Variants in DDX5 observed in about 807,000 individuals in gnomAD.
DDX5 encodes DEAD-box helicase 5.
A neutral mutation model predicts 68.6 loss-of-function variants in DDX5; 6 were observed. The observed-to-expected ratio is 0.09, with a 90% CI of 0.05 to 0.17. DDX5 has a LOEUF of 0.17. Among genes scored for constraint, DDX5 ranks in the 10% least tolerant of loss-of-function variants. The pLI, the probability that DDX5 is intolerant of heterozygous loss-of-function variation, is 1.00. For missense variants in DDX5, 499 were observed against 756.1 expected (o/e 0.66, Z 3.99); for synonymous variants, 350 against 247.0 (o/e 1.42, Z -3.91).
intron 1 of DDX5, chr17:64,505,056 A>G (rs2038404501): frequency 4.6e-6 from 2 of 431,852 alleles, no homozygotes; most frequent in South Asian, 6.1e-5. Flanking sequence ...TCATGTAAAC[A>G]GCCTGGGATT....
chr17:64,503,415 C>G lies in DDX5; in HGVS notation c.649+15G>C, dbSNP rs967931725. On this transcript the variant is annotated intron_variant, in intron 6 of 12. Transcript: ENST00000225792. ...TTTAGCACCAATGACAAATAAAACCCTTTTCATTACATACCTCTCTCCAAA... is the reference window on the plus strand; with the variant it reads ...TTTAGCACCAATGACAAATAAAACCGTTTTCATTACATACCTCTCTCCAAA... 1 of 1,614,070 alleles carries G rather than the reference C, an allele frequency of 6.2e-7. No homozygotes were observed. Among genetic ancestry groups the G allele is most frequent in the African/African-American group, 1.3e-5 (1 of 75,034 alleles).
Position 64,505,965 on chromosome 17 carries a change from G to C in DDX5, c.44+111C>G. On this transcript the variant is annotated intron_variant, in intron 1 of 12. Coordinates refer to ENST00000225792, the MANE Select transcript of DDX5 (RefSeq NM_004396.5). ...AAGCCTTCGGGAAAGGAAGTCCCAA[G>C]ATAGCCCGGAAAGGCCAAGTCCAAG... is the stretch of plus-strand genomic sequence containing the variant. 3.9e-6 allele frequency: 6 copies of C among 1,539,880 alleles called. No individual in the cohort carries two copies. In the South Asian group the frequency reaches 7.1e-5, roughly 18 times the overall value.
chr17:64,504,878 T>C (rs201484794), intron 1 of DDX5, 36 bp from the exon 2 acceptor site: 11 of 1,580,628 alleles, frequency 7.0e-6, no homozygotes, highest in South Asian at 1.2e-5. Context: ...CATTTTCAAA[T>C]GGCTATACCC....
chr17:64,499,036 C>T lies in DDX5; in HGVS notation c.*887G>A, dbSNP rs2038228498. Among the ~76,000 whole-genome samples the T allele has an allele frequency of 6.6e-6, 1 of 152,120 alleles. No homozygotes were observed. Among genetic ancestry groups the T allele is most frequent in the South Asian group, 2.1e-4 (1 of 4,830 alleles). On this transcript the variant is annotated 3_prime_UTR_variant, in exon 13 of 13. Transcript: ENST00000225792. ...GTGACTAGTTAAGAGCCCCAGGGAGCCTGTGAAGACTAGAATCTACAAGTA... is the reference window on the plus strand; with the variant it reads ...GTGACTAGTTAAGAGCCCCAGGGAGTCTGTGAAGACTAGAATCTACAAGTA...
Position 64,499,761 on chromosome 17 carries a change from A to G in DDX5, c.*162T>C. ...AACCTAAAAATTGTTTCAGGAATGT[A>G]GAGAAATATCCAACTTAAATAGCGA... is the stretch of plus-strand genomic sequence containing the variant. On this transcript the variant is annotated 3_prime_UTR_variant, in exon 13 of 13. Coordinates refer to ENST00000225792, the MANE Select transcript of DDX5 (RefSeq NM_004396.5). The G allele has an allele frequency of 1.7e-6, 1 of 596,156 alleles. No individual in the cohort carries two copies. The highest frequency in any genetic ancestry group is 2.6e-6 in the Non-Finnish European group (1 of 379,870). The allele number at this position is 596,156 out of a possible 1,614,324, so 36.9% of individuals were successfully genotyped here.
At chr17:64,501,766 G>T in intron 11 of DDX5, 1 of 573,668 alleles carries the variant, frequency 1.7e-6, no homozygotes, top group Non-Finnish European at 3.1e-6. Context: ...GCCTTTTGAA[G>T]ATTACTGGCA....
At position 64,503,316 on chromosome 17, in the gene DDX5, G is replaced by C. The variant is rs782743275; in HGVS notation, c.682C>G (p.Leu228Val). ...VEICIATPGR[L>V]IDFLECGKTN... is the part of the protein sequence containing the mutation. ...TTTCCACACTCTAAAAAGTCAATCAGTCTTCCAGGTGTTGCAATACAGATT... is the reference window on the plus strand; with the variant it reads ...TTTCCACACTCTAAAAAGTCAATCACTCTTCCAGGTGTTGCAATACAGATT... The change falls in exon 7 of 13, where the codon CTG becomes GTG. Residue 228 changes from leucine (L) to valine (V), a missense_variant. Coordinates refer to ENST00000225792, the MANE Select transcript of DDX5 (RefSeq NM_004396.5). 1 of 1,614,202 alleles carries C rather than the reference G, an allele frequency of 6.2e-7. No homozygotes were observed. The highest frequency in any genetic ancestry group is 1.1e-5 in the South Asian group (1 of 91,090).
Position 64,499,802 on chromosome 17 carries a change from TTAC to T in DDX5, c.*118_*120del. On this transcript the variant is annotated 3_prime_UTR_variant, in exon 13 of 13. Coordinates refer to ENST00000225792, the MANE Select transcript of DDX5 (RefSeq NM_004396.5). The stretch of plus-strand genomic sequence containing the variant: ...TAAATAGCGAAAAAGTGCACCATAA[TTAC>T]TGCTGCACTGCAGTCATTTCTGCAA... 2 of 886,364 alleles carry T rather than the reference TTAC, an allele frequency of 2.3e-6. No homozygotes were observed. Among genetic ancestry groups the T allele is most frequent in the Non-Finnish European group, 3.2e-6 (2 of 626,132 alleles). 54.9% of individuals were successfully genotyped at this position (886,364 alleles called of 1,614,324 possible).
rs1555671552 is a variant in DDX5 at position 64,503,790 on chromosome 17, A to G, written c.507+13T>C. The G allele has an allele frequency of 6.2e-7, 1 of 1,608,194 alleles. No homozygotes were observed. On this transcript the variant is annotated intron_variant, in intron 5 of 12. Coordinates refer to ENST00000225792, the MANE Select transcript of DDX5 (RefSeq NM_004396.5). ...ATTATGCTTCTAATAAAAAGTTAAAAATATATACTTACAATAGGCCCATCG... is the reference window on the plus strand; with the variant it reads ...ATTATGCTTCTAATAAAAAGTTAAAGATATATACTTACAATAGGCCCATCG...
rs1598152836 is a variant in DDX5, at chr17:64,504,848, ATG to A, written c.45-8_45-7del. ...CAAATCGAGGTGCACCAAACCTGGA[ATG>A]AAAAAAAACGTTATTCACATTTTCA... On this transcript the variant is annotated splice_polypyrimidine_tract_variant and splice_region_variant and intron_variant, in intron 1 of 12. Coordinates refer to ENST00000225792, the MANE Select transcript of DDX5 (RefSeq NM_004396.5). The A allele has an allele frequency of 3.8e-6, 6 of 1,590,896 alleles. No individual in the cohort carries two copies. The Admixed American group carries it at 7.6e-5, about 20-fold the overall frequency.
In DDX5 at chr17:64,500,305, C is replaced by A; in HGVS notation, c.1463G>T (p.Gly488Val). The part of the protein sequence containing the change: ...RGSGRSRGRG[G>V]MKDDRRDRYS... ...TCTGTCCCGACGGTCATCCTTCATG[C>A]CTCCTCTACCCCTGGAACGACCTGT... The change falls in exon 13 of 13, where the codon GGC (glycine) becomes GTC (valine). Residue 488 changes from glycine to valine, a missense_variant. Physicochemically the swap from Gly to Val is moderately radical, Grantham distance 109. Coordinates refer to ENST00000225792, the MANE Select transcript of DDX5 (RefSeq NM_004396.5). 7 of 1,609,578 alleles carry A rather than the reference C, an allele frequency of 4.3e-6. No individual in the cohort carries two copies. The highest frequency in any genetic ancestry group is 1.3e-5 in the African/African-American group (1 of 74,826).
intron 1 of DDX5, chr17:64,505,638 C>T (rs2144282425): frequency 8.3e-7 from 1 of 1,207,094 alleles, no homozygotes; most frequent in Admixed American, 2.0e-5. Flanking sequence ...AGCCACATGG[C>T]TGATGCCGGC....
rs200823255 is a variant in DDX5 at position 64,503,789 on chromosome 17, A to G, written c.507+14T>C. On this transcript the variant is annotated intron_variant, in intron 5 of 12. Coordinates refer to ENST00000225792, the MANE Select transcript of DDX5 (RefSeq NM_004396.5). ...CATTATGCTTCTAATAAAAAGTTAA[A>G]AATATATACTTACAATAGGCCCATC... is the stretch of plus-strand genomic sequence containing the variant. 115 of 1,607,160 alleles carry G rather than the reference A, an allele frequency of 7.2e-5. No individual in the cohort carries two copies. The African/African-American group carries it at 9.8e-4, about 14-fold the overall frequency.
In DDX5 at chr17:64,500,318, T is replaced by C. The variant is rs551152489; in HGVS notation, c.1450A>G (p.Arg484Gly). Residue 484 changes from arginine (R) to glycine (G), a missense_variant, in exon 13 of 13, where the codon AGG (arginine) becomes GGG (glycine). Arg to Gly is a moderately radical substitution (Grantham distance 125, BLOSUM62 -2). Coordinates refer to ENST00000225792, the MANE Select transcript of DDX5 (RefSeq NM_004396.5). The part of the protein sequence containing the change: ...LVEDRGSGRS[R>G]GRGGMKDDRR... Reference sequence around the variant, plus strand: ...TCATCCTTCATGCCTCCTCTACCCCTGGAACGACCTGTCAAGAAAACAATT... The same window carrying C: ...TCATCCTTCATGCCTCCTCTACCCCCGGAACGACCTGTCAAGAAAACAATT... 2.5e-6 allele frequency: 4 copies of C among 1,603,210 alleles called. No homozygotes were observed. The highest frequency in any genetic ancestry group is 3.4e-6 in the Non-Finnish European group (4 of 1,174,224).
In DDX5 at chr17:64,498,976, C is replaced by T. The variant is rs568030429; in HGVS notation, c.*947G>A. On this transcript the variant is annotated 3_prime_UTR_variant, in exon 13 of 13. Transcript: ENST00000225792. ...TACAGTTTGAGGATCTCTAGAATTC[C>T]CTGAATTATTGGAAAGACATTCATG... 2.0e-5 allele frequency among the ~76,000 whole-genome samples: 3 copies of T among 152,064 alleles called. No individual in the cohort carries two copies. Among genetic ancestry groups the T allele is most frequent in the Admixed American group, 6.5e-5 (1 of 15,276 alleles).
chr17:64,504,952 G>C, intron 1 of DDX5, 110 bp from the exon 2 acceptor site: 2 of 1,010,090 alleles, frequency 2.0e-6, no homozygotes, highest in Non-Finnish European at 2.9e-6. Flanking sequence ...CAGACTTCGA[G>C]AGGTAAACCT....
rs140955185 is a variant in DDX5, at chr17:64,504,335, A to G, written c.211-17T>C. ...CACCTCTTGCTGCAAAACAAATTAT[A>G]ACAGTCTTAAAATTCATGACAACCA... On this transcript the variant is annotated splice_polypyrimidine_tract_variant and intron_variant, in intron 2 of 12. Transcript: ENST00000225792. 1.6e-5 allele frequency: 26 copies of G among 1,604,728 alleles called. 1 individual carries two copies. In the East Asian group the frequency reaches 5.8e-4, roughly 36 times the overall value.
intron 1 of DDX5, 57 bp downstream of exon 1, chr17:64,506,019 G>GGGGGGGGGGGGGC: frequency 7.4e-7 from 1 of 1,360,446 alleles, no homozygotes; most frequent in Non-Finnish European, 1.0e-6. Context: ...CCGCCACCCT[G>GGGGGGGGGGGGGC]ACCCGCCCTC....
At chr17:64,504,990 C>G (rs546257093) in intron 1 of DDX5, 148 bp from the exon 2 acceptor site, 130 of 622,494 alleles carry the variant, frequency 2.1e-4, no homozygotes, top group Non-Finnish European at 3.1e-4. Context: ...AAATCTCTCT[C>G]TCTCTCAACA....
Sources: gnomAD v4.1 joint callset for allele counts (sites outside exome capture counted in the v4.1 genomes callset) on GRCh38, gnomAD v4.1.1 for gene constraint, MANE v1.5 for transcripts, NCBI Gene and HGNC (gene_info 2026-07-23, HGNC 2026-07-21) for gene names.